CCSER1: variants seen among roughly 807,000 people sequenced by gnomAD.
CCSER1 encodes the protein coiled-coil serine rich protein 1, also known as serine-rich coiled-coil domain-containing protein 1.
A neutral mutation model predicts 82.0 loss-of-function variants in CCSER1; 41 were observed. The ratio of observed to expected loss-of-function variants is 0.50; its 90% CI spans 0.39 to 0.65. The LOEUF (loss-of-function observed/expected upper bound fraction) is 0.65, where lower values mean the gene tolerates loss of function less well. Ranked by LOEUF, CCSER1 falls within the 30% of genes least tolerant of loss-of-function variation. The probability of loss-of-function intolerance (pLI) is 0.00; values close to 1 mark genes in which losing one functional copy is unlikely to be tolerated. For synonymous variants in CCSER1, 414 were observed against 383.9 expected (o/e 1.08, Z -0.92); for missense variants, 1,119 against 1,064.2 (o/e 1.05, Z -0.72).
chr4:90,212,065 T>C (rs1215293552), intron 1 of CCSER1, among the ~76,000 whole-genome samples: 1 of 152,212 alleles, frequency 6.6e-6, no homozygotes, highest in Non-Finnish European at 1.5e-5. Flanking sequence ...TTTCAAGATG[T>C]ATCATAAAAT....
chr4:90,358,908 A>T (rs908807735), intron 3 of CCSER1, among the ~76,000 whole-genome samples: 4 of 152,218 alleles, frequency 2.6e-5, no homozygotes, highest in Non-Finnish European at 5.9e-5. Context: ...GCATGCCAGG[A>T]ATTATAAATG....
At chr4:91,126,620 GT>G (rs756933932) in intron 10 of CCSER1, among the ~76,000 whole-genome samples, 2 of 151,942 alleles carry the variant, frequency 1.3e-5, no homozygotes, top group African/African-American at 2.4e-5. Context: ...GATAGTAATA[GT>G]TTAGAATGGC....
At chr4:91,149,992 G>T (rs1469189457) in intron 10 of CCSER1, among the ~76,000 whole-genome samples, 1 of 152,152 alleles carries the variant, frequency 6.6e-6, no homozygotes, top group Non-Finnish European at 1.5e-5. Context: ...GAACTTTAAA[G>T]TAGTTTTTTC....
intron 10 of CCSER1, among the ~76,000 whole-genome samples, chr4:91,171,224 C>A (rs1325004887): frequency 1.3e-5 from 2 of 152,086 alleles, no homozygotes; most frequent in Non-Finnish European, 2.9e-5. Flanking sequence ...CTAAGTAGTT[C>A]CTCTTTTCCT....
chr4:91,551,187 T>C (rs1441876930), intron 10 of CCSER1, among the ~76,000 whole-genome samples: 3 of 152,156 alleles, frequency 2.0e-5, no homozygotes, highest in Admixed American at 1.3e-4. Context: ...AATAATATAC[T>C]CTTCAAATAC....
intron 5 of CCSER1, among the ~76,000 whole-genome samples, chr4:90,494,659 A>T (rs1578795686): frequency 2.6e-5 from 4 of 152,292 alleles, no homozygotes; most frequent in Admixed American, 2.6e-4. Context: ...AGAGGGATAA[A>T]AACAAATGTC....
At chr4:91,049,678 T>C (rs773825916) in intron 9 of CCSER1, among the ~76,000 whole-genome samples, 1 of 152,194 alleles carries the variant, frequency 6.6e-6, no homozygotes, top group Non-Finnish European at 1.5e-5. Context: ...TGTAATCACA[T>C]CTCTGCACAA....
chr4:90,205,374 C>A (rs76130002), intron 1 of CCSER1, among the ~76,000 whole-genome samples: 1 of 152,074 alleles, frequency 6.6e-6, no homozygotes, highest in Non-Finnish European at 1.5e-5. Context: ...TCCCTCAATA[C>A]CTAGTTTATT....
At chr4:90,785,277 A>G (rs1374214113) in intron 7 of CCSER1, among the ~76,000 whole-genome samples, 2 of 151,992 alleles carry the variant, frequency 1.3e-5, no homozygotes, top group South Asian at 4.2e-4. Context: ...GGCTCAAGCA[A>G]TCCACCCTCC....
intron 4 of CCSER1, among the ~76,000 whole-genome samples, chr4:90,455,011 T>C (rs1328620516): frequency 6.6e-6 from 1 of 152,162 alleles, no homozygotes; most frequent in African/African-American, 2.4e-5. Context: ...ATTCCCCCAA[T>C]GGAGGTACCT....
At chr4:90,367,574 C>T (rs958137056) in intron 3 of CCSER1, among the ~76,000 whole-genome samples, 2 of 150,804 alleles carry the variant, frequency 1.3e-5, no homozygotes, top group African/African-American at 4.9e-5. Flanking sequence ...AGAAATAAGG[C>T]CACAAAGACA....
At chr4:90,352,581 G>C (rs1378010446) in intron 3 of CCSER1, among the ~76,000 whole-genome samples, 2 of 151,706 alleles carry the variant, frequency 1.3e-5, no homozygotes, top group African/African-American at 4.8e-5. Flanking sequence ...AGAATCACTT[G>C]AACCCAGGAG....
At chr4:90,514,737 CAG>C (rs1230926865) in intron 5 of CCSER1, among the ~76,000 whole-genome samples, 1 of 151,674 alleles carries the variant, frequency 6.6e-6, no homozygotes, top group Non-Finnish European at 1.5e-5. Flanking sequence ...ACCTGGGTGA[CAG>C]AGGAGACGCC....
chr4:90,220,290 A>G (rs1741884666), intron 1 of CCSER1, among the ~76,000 whole-genome samples: 2 of 152,142 alleles, frequency 1.3e-5, no homozygotes, highest in African/African-American at 4.8e-5. Context: ...TATCCTCTGT[A>G]GATAAGGGGC....
intron 10 of CCSER1, among the ~76,000 whole-genome samples, chr4:91,489,568 G>A (rs1758402498): frequency 6.6e-6 from 1 of 152,106 alleles, no homozygotes; most frequent in African/African-American, 2.4e-5. Flanking sequence ...ACTGTGGGAG[G>A]TTGAGGCTGA....
intron 9 of CCSER1, among the ~76,000 whole-genome samples, chr4:90,928,989 A>G (rs955306594): frequency 6.6e-6 from 1 of 152,144 alleles, no homozygotes; most frequent in Admixed American, 6.5e-5. Flanking sequence ...AAGCACTGAG[A>G]AGAAATCTGC....
intron 10 of CCSER1, among the ~76,000 whole-genome samples, chr4:91,555,632 A>T (rs1003870476): frequency 7.1e-6 from 1 of 141,086 alleles, no homozygotes; most frequent in South Asian, 2.9e-4. Flanking sequence ...ATCTAACAAA[A>T]GAATGAATAT....
chr4:91,007,336 T>C (rs28811665), intron 9 of CCSER1, among the ~76,000 whole-genome samples: 50,255 of 152,048 alleles, frequency 0.33, 9,299 homozygotes, highest in Middle Eastern at 0.43. Context: ...ATCCCTTCAA[T>C]TATCTGAAAT....
At chr4:91,034,419 T>C (rs1400584439) in intron 9 of CCSER1, among the ~76,000 whole-genome samples, 2 of 152,190 alleles carry the variant, frequency 1.3e-5, no homozygotes, top group African/African-American at 4.8e-5. Context: ...CAAATACTAA[T>C]CTTTCCACAA....
Sources: gnomAD v4.1 joint callset for allele counts (sites outside exome capture counted in the v4.1 genomes callset) on GRCh38, gnomAD v4.1.1 for gene constraint, MANE v1.5 for transcripts, NCBI Gene and HGNC (gene_info 2026-07-23, HGNC 2026-07-21) for gene names.